CD300E: variants seen among roughly 807,000 people sequenced by gnomAD.
CD300E encodes CD300e molecule.
In CD300E, 14 loss-of-function variants were observed where a neutral mutation model predicts 20.9. The ratio of observed to expected loss-of-function variants is 0.67; its 90% CI spans 0.44 to 1.05. The LOEUF (loss-of-function observed/expected upper bound fraction) is 1.05. Ranked by LOEUF, CD300E falls within the 50% of genes least tolerant of loss-of-function variation. The probability of loss-of-function intolerance (pLI) is 0.00; values close to 1 mark genes in which losing one functional copy is unlikely to be tolerated. For missense variants in CD300E, 237 were observed against 253.9 expected (o/e 0.93, Z 0.45); for synonymous variants, 102 against 103.7 (o/e 0.98, Z 0.10).
At chr17:74,613,635 A>G (rs1349733441) in intron 3 of CD300E, among the ~76,000 whole-genome samples, 2 of 152,200 alleles carry the variant, frequency 1.3e-5, no homozygotes, top group Non-Finnish European at 2.9e-5. Context: ...CCGGAGCTGG[A>G]TGGGGAAGGA....
Position 74,610,898 on chromosome 17 carries a change from T to G in CD300E, c.*1755A>C, listed in dbSNP as rs2030761633. ...GCCTCTCTGCTTTCACTTATGCTGT[T>G]TCTCTGTCCTCTCTCTCTCCCTGTT... is the stretch of plus-strand genomic sequence containing the variant. On this transcript the variant is annotated 3_prime_UTR_variant, in exon 4 of 4. Transcript: ENST00000392619. The G allele has an allele frequency of 6.6e-6, 1 of 152,500 alleles. No homozygotes were observed. Among genetic ancestry groups the G allele is most frequent in the Admixed American group, 6.5e-5 (1 of 15,284 alleles). The allele number at this position is 152,500 out of a possible 1,614,324, so 9.4% of individuals were successfully genotyped here. A position where few individuals can be genotyped will look rare whatever the true frequency, so the allele number is the denominator to read the frequency against.
chr17:74,614,117 A>G, intron 2 of CD300E, 84 bp from the exon 3 acceptor site: 1 of 1,053,430 alleles, frequency 9.5e-7, no homozygotes, highest in Non-Finnish European at 1.4e-6. Context: ...ATACAGAATC[A>G]CCCACTCACA....
At chr17:74,614,429 G>A (rs72847170) in intron 2 of CD300E, among the ~76,000 whole-genome samples, 3,014 of 151,510 alleles carry the variant, frequency 0.02, 53 homozygotes, top group South Asian at 0.072. Flanking sequence ...AAGAAGCCTC[G>A]TAGAGACCAT....
At position 74,611,785 on chromosome 17, in the gene CD300E, T is replaced by G. The variant is rs2030783238; in HGVS notation, c.*868A>C. 6.6e-6 allele frequency: 1 copy of G among 152,478 alleles called. No individual in the cohort carries two copies. Among genetic ancestry groups the G allele is most frequent in the Non-Finnish European group, 1.5e-5 (1 of 68,236 alleles). 9.4% of individuals were successfully genotyped at this position (152,478 alleles called of 1,614,324 possible). On this transcript the variant is annotated 3_prime_UTR_variant, in exon 4 of 4. Transcript: ENST00000392619. ...ACCCACCAGCTCCTTCTCCCTTTAC[T>G]GTTTCAACTCGCCCCAGAACTTTAA...
chr17:74,623,717 T>C lies in CD300E; in HGVS notation c.-96A>G. ...GCCTGGGTCATCCACTTTCTACTTG[T>C]CCAAGTTTCCTTTGTGTTCTCACTC... is the stretch of plus-strand genomic sequence containing the variant. On this transcript the variant is annotated 5_prime_UTR_variant, in exon 1 of 4. Coordinates refer to ENST00000392619, the MANE Select transcript of CD300E (RefSeq NM_181449.3). 7.6e-7 allele frequency: 1 copy of C among 1,308,346 alleles called. No homozygotes were observed. The highest frequency in any genetic ancestry group is 1.1e-6 in the Non-Finnish European group (1 of 901,458). The allele number at this position is 1,308,346 out of a possible 1,614,324, so 81.0% of individuals were successfully genotyped here.
In CD300E at chr17:74,617,381, T is replaced by A; in HGVS notation, c.125A>T (p.Tyr42Phe). 1 of 1,614,164 alleles carries A rather than the reference T, an allele frequency of 6.2e-7. No individual in the cohort carries two copies. Among genetic ancestry groups the A allele is most frequent in the Non-Finnish European group, 8.5e-7 (1 of 1,180,026 alleles). Residue 42 changes from tyrosine (Y) to phenylalanine (F), a missense_variant, in exon 2 of 4, where the codon TAC becomes TTC. By Grantham distance (22) the Tyr-to-Phe change is conservative. Coordinates refer to ENST00000392619, the MANE Select transcript of CD300E (RefSeq NM_181449.3). Reference sequence around the variant, plus strand: ...GCACCAGTACTTGTTATATCCCTTGTACATGCTCTCATACTGACACCACAC... The same window carrying A: ...GCACCAGTACTTGTTATATCCCTTGAACATGCTCTCATACTGACACCACAC... Reference protein sequence around the residue: ...LTVWCQYESMYKGYNKYWCRG... With the variant: ...LTVWCQYESMFKGYNKYWCRG...
At chr17:74,614,639 C>T (rs1020753318) in intron 2 of CD300E, among the ~76,000 whole-genome samples, 2 of 152,122 alleles carry the variant, frequency 1.3e-5, no homozygotes, top group Admixed American at 1.3e-4. Context: ...TATGCCACCA[C>T]GTTTGGCTAA....
In CD300E at chr17:74,622,505, G is replaced by A. The variant is rs183291326; in HGVS notation, c.40+1077C>T. 9.9e-5 allele frequency among the ~76,000 whole-genome samples: 15 copies of A among 152,200 alleles called. No individual in the cohort carries two copies. In the East Asian group the frequency reaches 2.9e-3, roughly 29 times the overall value. On this transcript the variant is annotated intron_variant, in intron 1 of 3. Coordinates refer to ENST00000392619, the MANE Select transcript of CD300E (RefSeq NM_181449.3). ...TGTCATTACATTGGGCAATTTCTAT[G>A]TTTTGTGAGGGAACTCAACCATAAA...
rs1030477161 is a variant in CD300E, at chr17:74,612,566, G to T, written c.*87C>A. 4.6e-5 allele frequency: 71 copies of T among 1,538,874 alleles called. No individual in the cohort carries two copies. Among genetic ancestry groups the T allele is most frequent in the Non-Finnish European group, 6.1e-5 (69 of 1,138,242 alleles). Reference sequence around the variant, plus strand: ...CAATAAATCCCTCCAGAGTCCACAGGTCTCTCGCATCCAGTCTGAAAGGTT... The same window carrying T: ...CAATAAATCCCTCCAGAGTCCACAGTTCTCTCGCATCCAGTCTGAAAGGTT... On this transcript the variant is annotated 3_prime_UTR_variant, in exon 4 of 4. Coordinates refer to ENST00000392619, the MANE Select transcript of CD300E (RefSeq NM_181449.3).
chr17:74,619,253 G>T (rs991839459), intron 1 of CD300E: 9 of 422,616 alleles, frequency 2.1e-5, no homozygotes, highest in Non-Finnish European at 2.9e-5. Context: ...TGGTGATGGA[G>T]CCGGGGCCTG....
chr17:74,617,577 G>T, intron 1 of CD300E, 112 bp from the exon 2 acceptor site: 1 of 874,316 alleles, frequency 1.1e-6, no homozygotes, highest in Non-Finnish European at 1.8e-6. Context: ...TTTCCTGGGA[G>T]GGGAACCTGG....
chr17:74,621,120 A>G (rs999379587), intron 1 of CD300E, among the ~76,000 whole-genome samples: 12 of 152,210 alleles, frequency 7.9e-5, no homozygotes, highest in African/African-American at 2.7e-4. Context: ...AGACCCTCAG[A>G]TGTAGAGCAT....
rs1484722952 is a variant in CD300E, at chr17:74,617,445, G to T, written c.61C>A (p.Pro21Thr). ...CLSGCLSLKG[P>T]GSVTGTAGDS... ...CCCGCAGTGCCAGTCACAGAGCCGG[G>T]GCCCTTCAGAGACAAACAGCCTGGA... The change falls in exon 2 of 4, where the codon CCC (proline) becomes ACC (threonine). Residue 21 changes from proline (P) to threonine (T), a missense_variant. By Grantham distance (38) the Pro-to-Thr change is conservative (BLOSUM62 -1). Transcript: ENST00000392619. 1 of 1,613,312 alleles carries T rather than the reference G, an allele frequency of 6.2e-7. No individual in the cohort carries two copies. The highest frequency in any genetic ancestry group is 1.1e-5 in the South Asian group (1 of 91,068).
At chr17:74,613,242 C>T (rs1353478604) in intron 3 of CD300E, among the ~76,000 whole-genome samples, 1 of 152,212 alleles carries the variant, frequency 6.6e-6, no homozygotes, top group Non-Finnish European at 1.5e-5. Flanking sequence ...GTAGCTGGGA[C>T]TACAGGCGCA....
At chr17:74,617,673 CAGCACAGG>C (rs2030934660) in intron 1 of CD300E, among the ~76,000 whole-genome samples, 1 of 152,206 alleles carries the variant, frequency 6.6e-6, no homozygotes. Flanking sequence ...CACCAAGTCA[CAGCACAGG>C]GGCCCCAGCA....
intron 2 of CD300E, among the ~76,000 whole-genome samples, chr17:74,615,326 T>C (rs557387435): frequency 6.6e-6 from 1 of 151,584 alleles, no homozygotes; most frequent in South Asian, 2.1e-4. Context: ...TCAAGAGGGA[T>C]GGGGAGGCAG....
At chr17:74,617,744 C>T (rs995965635) in intron 1 of CD300E, among the ~76,000 whole-genome samples, 6 of 152,190 alleles carry the variant, frequency 3.9e-5, no homozygotes, top group East Asian at 1.9e-4. Flanking sequence ...CATCCCACCT[C>T]GTCCTGGGCC....
intron 1 of CD300E, among the ~76,000 whole-genome samples, chr17:74,620,440 A>T (rs78857221): frequency 6.6e-6 from 1 of 151,962 alleles, no homozygotes; most frequent in Non-Finnish European, 1.5e-5. Context: ...CATGCACTCT[A>T]GGCTGGGCAA....
intron 2 of CD300E, among the ~76,000 whole-genome samples, 194 bp downstream of exon 2, chr17:74,616,924 C>G (rs555083101): frequency 1.3e-5 from 2 of 152,278 alleles, no homozygotes; most frequent in East Asian, 3.9e-4. Context: ...GGCGCCTGAG[C>G]TGTGCACCCC....
Sources: allele counts gnomAD v4.1 joint callset (sites outside exome capture counted in the v4.1 genomes callset), GRCh38; gene constraint gnomAD v4.1.1; transcripts MANE v1.5; gene names NCBI Gene and HGNC (gene_info 2026-07-23, HGNC 2026-07-21).